Variants in KALRN observed in about 807,000 individuals in gnomAD.
KALRN encodes kalirin RhoGEF kinase.
Under a neutral mutation model 353.7 loss-of-function variants are expected in KALRN, and 70 were observed. That is an observed-to-expected ratio of 0.20 (90% confidence interval 0.16 to 0.24). KALRN has a LOEUF of 0.24. Ranked by LOEUF, KALRN falls within the 10% of genes least tolerant of loss-of-function variation. The pLI is 1.00. For missense variants in KALRN, 2,791 were observed against 3,756.7 expected, an observed-to-expected ratio of 0.74 and a Z score of 6.72; for synonymous variants, 1,391 against 1,434.8, an observed-to-expected ratio of 0.97 and a Z score of 0.69.
intron 1 of KALRN, among the ~76,000 whole-genome samples, chr3:124,070,715 A>G (rs1306817887): frequency 1.3e-5 from 2 of 152,242 alleles, no homozygotes; most frequent in African/African-American, 4.8e-5. Context: ...AATAGCGGCT[A>G]TGTAAATGTA....
intron 27 of KALRN, among the ~76,000 whole-genome samples, chr3:124,481,929 T>A (rs115345796): frequency 6.6e-6 from 1 of 152,322 alleles, no homozygotes; most frequent in Non-Finnish European, 1.5e-5. Context: ...GTGCGTTGAG[T>A]ATTCTCATCT....
chr3:124,448,208 A>G (rs977831443), intron 21 of KALRN, among the ~76,000 whole-genome samples: 1 of 152,110 alleles, frequency 6.6e-6, no homozygotes, highest in Non-Finnish European at 1.5e-5. Flanking sequence ...AACTGTCTTC[A>G]TATATTTCTC....
intron 1 of KALRN, among the ~76,000 whole-genome samples, chr3:124,122,899 G>T (rs529684536): frequency 1.3e-3 from 191 of 152,264 alleles, no homozygotes; most frequent in African/African-American, 4.5e-3. Flanking sequence ...AGTGAGGAAG[G>T]CATGTTAAAG....
At chr3:124,090,676 C>T (rs1559930205) in intron 1 of KALRN, among the ~76,000 whole-genome samples, 1 of 152,098 alleles carries the variant, frequency 6.6e-6, no homozygotes, top group Non-Finnish European at 1.5e-5. Flanking sequence ...GGGGTACGCA[C>T]TAGAATTCAA....
chr3:124,272,021 G>A (rs2148951882), intron 5 of KALRN, among the ~76,000 whole-genome samples: 1 of 152,214 alleles, frequency 6.6e-6, no homozygotes, highest in East Asian at 1.9e-4. Flanking sequence ...TAGCAACTGG[G>A]GACTACTGGA....
At chr3:124,662,537 G>A (rs1490222481) in intron 45 of KALRN, among the ~76,000 whole-genome samples, 1 of 152,150 alleles carries the variant, frequency 6.6e-6, no homozygotes, top group Non-Finnish European at 1.5e-5. Context: ...TGATAGAAGT[G>A]GAATTAGGCA....
chr3:124,111,968 TA>T (rs1273547976), intron 1 of KALRN, among the ~76,000 whole-genome samples: 2 of 151,956 alleles, frequency 1.3e-5, no homozygotes, highest in Admixed American at 6.6e-5. Flanking sequence ...GTGCTCCTGG[TA>T]GAGGTGGGCT....
At chr3:124,590,977 T>C (rs1332502443) in intron 34 of KALRN, among the ~76,000 whole-genome samples, 1 of 152,200 alleles carries the variant, frequency 6.6e-6, no homozygotes, top group Non-Finnish European at 1.5e-5. Flanking sequence ...GTGGCTTGTC[T>C]TCGTCTGAAC....
At chr3:124,316,259 A>G (rs2078799113) in intron 6 of KALRN, among the ~76,000 whole-genome samples, 1 of 152,032 alleles carries the variant, frequency 6.6e-6, no homozygotes, top group Non-Finnish European at 1.5e-5. Flanking sequence ...AGTAGCTCCT[A>G]CCTGGTCTCT....
rs544045468 is a variant in KALRN, at chr3:124,133,788, G to C, written c.74-94202G>C. 4.6e-5 allele frequency among the ~76,000 whole-genome samples: 7 copies of C among 152,218 alleles called. No homozygotes were observed. In the East Asian group the frequency reaches 1.4e-3, roughly 29 times the overall value. Reference sequence around the variant, plus strand: ...AGGCAAAAAGAGTTTCAGGGCAGCCGGAATAGGACAACATGTTCCTAGTAT... The same window carrying C: ...AGGCAAAAAGAGTTTCAGGGCAGCCCGAATAGGACAACATGTTCCTAGTAT... On this transcript the variant is annotated intron_variant, in intron 1 of 59. Coordinates refer to ENST00000682506, the MANE Select transcript of KALRN (RefSeq NM_001388419.1).
At chr3:124,446,727 C>T in intron 20 of KALRN, 36 bp from the exon 21 acceptor site, 16 of 1,612,950 alleles carry the variant, frequency 9.9e-6, no homozygotes, top group Non-Finnish European at 1.4e-5. Context: ...TGACAGCTGC[C>T]TTTTTGGGGA....
intron 15 of KALRN, 62 bp downstream of exon 15, chr3:124,423,040 C>G: frequency 6.4e-7 from 1 of 1,551,880 alleles, no homozygotes; most frequent in Admixed American, 1.7e-5. Flanking sequence ...GACCTGGGAC[C>G]TGCTCCTGGT....
chr3:124,337,634 G>A (rs985398410), intron 9 of KALRN, among the ~76,000 whole-genome samples: 1 of 152,192 alleles, frequency 6.6e-6, no homozygotes, highest in Non-Finnish European at 1.5e-5. Flanking sequence ...ACAGGGTTTG[G>A]TATCAGGATG....
At chr3:124,387,323 G>T (rs1028898595) in intron 11 of KALRN, among the ~76,000 whole-genome samples, 27 of 152,246 alleles carry the variant, frequency 1.8e-4, no homozygotes, top group African/African-American at 6.3e-4. Flanking sequence ...AAGGAGTGGT[G>T]TGATACAGGG....
At chr3:124,634,434 A>G (rs1014154705) in intron 36 of KALRN, among the ~76,000 whole-genome samples, 3 of 152,206 alleles carry the variant, frequency 2.0e-5, no homozygotes, top group East Asian at 1.9e-4. Context: ...GCTAAGGGGA[A>G]GTTATTGTCA....
At chr3:124,584,420 A>G (rs1414558991) in intron 34 of KALRN, among the ~76,000 whole-genome samples, 3 of 152,118 alleles carry the variant, frequency 2.0e-5, no homozygotes, top group Admixed American at 2.0e-4. Context: ...TTTTAAGCCA[A>G]CGCCCATTGT....
intron 6 of KALRN, among the ~76,000 whole-genome samples, chr3:124,310,117 TTAAAA>T (rs1260741683): frequency 1.1e-4 from 16 of 152,126 alleles, no homozygotes; most frequent in Non-Finnish European, 2.2e-4. Flanking sequence ...TTCCATGCAC[TTAAAA>T]TAAATAATTT....
intron 10 of KALRN, among the ~76,000 whole-genome samples, chr3:124,380,847 A>T (rs1224461774): frequency 6.6e-6 from 1 of 152,250 alleles, no homozygotes; most frequent in African/African-American, 2.4e-5. Flanking sequence ...AAAATTGAAC[A>T]TTGAACATGA....
intron 15 of KALRN, among the ~76,000 whole-genome samples, chr3:124,429,701 T>C (rs1369743770): frequency 6.6e-6 from 1 of 152,218 alleles, no homozygotes; most frequent in Non-Finnish European, 1.5e-5. Flanking sequence ...TTTCTTCTTC[T>C]ATCCTAATAT....
Sources: allele counts gnomAD v4.1 joint callset (sites outside exome capture counted in the v4.1 genomes callset), GRCh38; gene constraint gnomAD v4.1.1; transcripts MANE v1.5; gene names NCBI Gene and HGNC (gene_info 2026-07-23, HGNC 2026-07-21).